The following LINC00632 variants were observed in gnomAD, a reference collection of about 807,000 sequenced individuals.
LINC00632 encodes ALDOA related specific transcript.
chrX:140,726,111 CAAAT>C (rs1190356121), intron 2 of LINC00632, among the ~76,000 whole-genome samples: 1 of 104,771 alleles, frequency 9.5e-6, no homozygotes, highest in Non-Finnish European at 1.9e-5. Context: ...ATAACACACA[CAAAT>C]AAAAAAAAAC....
chrX:140,783,754 T>A, exon 5 of LINC00632: 1 of 1,210,542 alleles, frequency 8.3e-7, no homozygotes, highest in Non-Finnish European at 1.1e-6. Context: ...AAAATCCAGG[T>A]CTTCCAGCCA....
intron 2 of LINC00632, among the ~76,000 whole-genome samples, chrX:140,717,844 A>T (rs187492129): frequency 5.0e-4 from 56 of 111,758 alleles, no homozygotes; most frequent in African/African-American, 1.7e-3. Flanking sequence ...AGCTGTTAAG[A>T]GAAATAAATG....
chrX:140,770,360 C>CA (rs1166963945), intron 3 of LINC00632, among the ~76,000 whole-genome samples: 1 of 111,717 alleles, frequency 9.0e-6, no homozygotes, highest in African/African-American at 3.3e-5. Flanking sequence ...CCTCACTGCT[C>CA]ATTGTATGCT....
chrX:140,721,851 T>C (rs944185526), intron 2 of LINC00632, among the ~76,000 whole-genome samples: 2 of 111,050 alleles, frequency 1.8e-5, no homozygotes, highest in African/African-American at 6.6e-5. Context: ...ACTCGCCTCA[T>C]AGCACTCAGG....
intron 2 of LINC00632, among the ~76,000 whole-genome samples, chrX:140,724,841 A>ACACAGT (rs1930897879): frequency 9.7e-6 from 1 of 103,111 alleles, no homozygotes; most frequent in African/African-American, 3.6e-5. Flanking sequence ...TTCCACACGC[A>ACACAGT]CACACATTCC....
chrX:140,783,820 T>C (rs141725574), exon 5 of LINC00632: 5 of 1,208,211 alleles, frequency 4.1e-6, no homozygotes, highest in African/African-American at 3.5e-5. Context: ...TTCCAGAAAA[T>C]CCATGTCTTC....
At chrX:140,758,827 T>G (rs1356618935) in intron 3 of LINC00632, among the ~76,000 whole-genome samples, 5 of 112,187 alleles carry the variant, frequency 4.5e-5, no homozygotes, top group Admixed American at 9.4e-5. Flanking sequence ...TGATGGCTGC[T>G]TGTCTGTATT....
chrX:140,748,517 T>C (rs765582385), intron 3 of LINC00632, among the ~76,000 whole-genome samples: 14 of 111,220 alleles, frequency 1.3e-4, no homozygotes, highest in Non-Finnish European at 2.6e-4. Flanking sequence ...TCTGACATAA[T>C]TGCAATCCAT....
chrX:140,719,302 CT>C (rs1028718419), intron 2 of LINC00632, among the ~76,000 whole-genome samples: 8 of 106,792 alleles, frequency 7.5e-5, no homozygotes, highest in Middle Eastern at 4.8e-3. Flanking sequence ...ACAGTCACTC[CT>C]TTTTTTTTTC....
exon 5 of LINC00632, chrX:140,784,499 C>T: frequency 1.4e-6 from 1 of 729,582 alleles, no homozygotes; most frequent in Non-Finnish European, 2.1e-6. Context: ...GCTCGTCTTC[C>T]AACATCTCCA....
chrX:140,729,668 C>T lies in LINC00632; in HGVS notation n.105-4210C>T, dbSNP rs762934870. 3.6e-5 allele frequency among the ~76,000 whole-genome samples: 4 copies of T among 110,286 alleles called. No homozygotes were observed. In the East Asian group the frequency reaches 1.1e-3, roughly 32 times the overall value. ...AAAATCATAATCATAAAAGTCACAGCACCTAGAATCACTCCCACAAAGCAT... is the reference window on the plus strand; with the variant it reads ...AAAATCATAATCATAAAAGTCACAGTACCTAGAATCACTCCCACAAAGCAT... On this transcript the variant is annotated intron_variant and non_coding_transcript_variant, in intron 2 of 4. Transcript: ENST00000648200.
chrX:140,725,485 A>G (rs1178311917), intron 2 of LINC00632, among the ~76,000 whole-genome samples: 1 of 111,843 alleles, frequency 8.9e-6, no homozygotes, highest in Non-Finnish European at 1.9e-5. Context: ...CACATTCCAT[A>G]CACACACAGA....
chrX:140,755,668 G>T (rs1224247101), intron 3 of LINC00632, among the ~76,000 whole-genome samples: 1 of 111,741 alleles, frequency 8.9e-6, no homozygotes, highest in Non-Finnish European at 1.9e-5. Flanking sequence ...CCCTCTGTTT[G>T]GGTCAGTCTA....
At chrX:140,769,998 T>C (rs759036072) in intron 3 of LINC00632, among the ~76,000 whole-genome samples, 2 of 111,825 alleles carry the variant, frequency 1.8e-5, no homozygotes, top group East Asian at 2.8e-4. Context: ...GATGGCACTA[T>C]AGTGAAATAT....
chrX:140,729,249 C>T (rs1013392284), intron 2 of LINC00632, among the ~76,000 whole-genome samples: 11 of 110,268 alleles, frequency 1.0e-4, no homozygotes, highest in African/African-American at 3.6e-4. Context: ...AGACACACCT[C>T]ATATCACATC....
At chrX:140,726,800 T>C (rs1930970995) in intron 2 of LINC00632, among the ~76,000 whole-genome samples, 1 of 111,790 alleles carries the variant, frequency 8.9e-6, no homozygotes, top group Non-Finnish European at 1.9e-5. Context: ...CCATGAAGTA[T>C]TGCATAAGAA....
Position 140,769,808 on chromosome X carries a change from T to G in LINC00632, n.192-2270T>G, listed in dbSNP as rs773661764. On this transcript the variant is annotated intron_variant and non_coding_transcript_variant, in intron 3 of 4. Coordinates refer to ENST00000648200, the Ensembl canonical transcript of LINC00632. ...TTGTCCCTTCCACCTGCTTGCCTTCTCCTCCACACCCTAAAAATTCTACCC... is the reference window on the plus strand; with the variant it reads ...TTGTCCCTTCCACCTGCTTGCCTTCGCCTCCACACCCTAAAAATTCTACCC... Among the ~76,000 whole-genome samples the G allele has an allele frequency of 3.6e-5, 4 of 111,389 alleles. No individual in the cohort carries two copies. In the South Asian group the frequency reaches 1.5e-3, roughly 43 times the overall value.
chrX:140,717,835 G>A (rs1332422102), intron 2 of LINC00632, among the ~76,000 whole-genome samples: 2 of 111,543 alleles, frequency 1.8e-5, no homozygotes, highest in East Asian at 2.8e-4. Flanking sequence ...ACCTCTTATA[G>A]CTGTTAAGAG....
chrX:140,721,759 G>A lies in LINC00632; in HGVS notation n.104+10103G>A, dbSNP rs1172113232. On this transcript the variant is annotated intron_variant and non_coding_transcript_variant, in intron 2 of 4. Coordinates refer to ENST00000648200, the Ensembl canonical transcript of LINC00632. ...TACTTACTTGCCTCAATAACATTAAGACACACCTTAGACCACATAAAAATG... is the reference window on the plus strand; with the variant it reads ...TACTTACTTGCCTCAATAACATTAAAACACACCTTAGACCACATAAAAATG... 3.6e-5 allele frequency among the ~76,000 whole-genome samples: 4 copies of A among 110,836 alleles called. No individual in the cohort carries two copies. The Admixed American group carries it at 3.9e-4, about 11-fold the overall frequency.
Sources: allele counts gnomAD v4.1 joint callset (sites outside exome capture counted in the v4.1 genomes callset), GRCh38; gene constraint gnomAD v4.1.1; transcripts MANE v1.5; gene names NCBI Gene and HGNC (gene_info 2026-07-23, HGNC 2026-07-21).